TCF12: variants seen among roughly 807,000 people sequenced by gnomAD.
TCF12 encodes the protein DNA-binding protein HTF4.
A neutral mutation model predicts 86.0 loss-of-function variants in TCF12; 45 were observed. That is an observed-to-expected ratio of 0.52 (90% confidence interval 0.41 to 0.67). TCF12 has a LOEUF of 0.67. TCF12 is among the 30% of genes least tolerant of loss of function. The pLI, the probability that TCF12 is intolerant of heterozygous loss-of-function variation, is 0.00. For synonymous variants in TCF12, 330 were observed against 299.6 expected (o/e 1.10, Z -1.05); for missense variants, 881 against 859.9 (o/e 1.02, Z -0.31).
chr15:57,252,333 G>T, intron 14 of TCF12, 88 bp from the exon 15 acceptor site: 1 of 927,192 alleles, frequency 1.1e-6, no homozygotes. Flanking sequence ...AACATGTTAT[G>T]CTGACATGCA....
At chr15:57,030,229 G>GATTA (rs1402198570) in intron 3 of TCF12, among the ~76,000 whole-genome samples, 8 of 151,996 alleles carry the variant, frequency 5.3e-5, no homozygotes, top group African/African-American at 1.9e-4. Context: ...TTTATTGATT[G>GATTA]ATTAATTGAT....
chr15:56,984,001 C>CAAAAAAAAAAAAAAAAA lies in TCF12; in HGVS notation c.148+62918_148+62919insAAAAAAAAAAAAAAAAA, dbSNP rs71113046. Reference sequence around the variant, plus strand: ...TAGGCAACTGAGTGAGACCCTGTCTCAAAAAAAAAAAAAAAGAAGAAGAAG... The same window carrying CAAAAAAAAAAAAAAAAA: ...TAGGCAACTGAGTGAGACCCTGTCTCAAAAAAAAAAAAAAAAAAAAAAAAAAAAAAAAGAAGAAGAAG... On this transcript the variant is annotated intron_variant, in intron 3 of 20. Transcript: ENST00000333725. 6.4e-3 allele frequency among the ~76,000 whole-genome samples: 273 copies of CAAAAAAAAAAAAAAAAA among 42,904 alleles called. 27 individuals carry two copies. The highest frequency in any genetic ancestry group is 0.016 in the African/African-American group (168 of 10,306). The allele number at this position is 42,904 out of a possible 152,430, so 28.1% of individuals were successfully genotyped here. A position where few individuals can be genotyped will look rare whatever the true frequency, so the allele number is the denominator to read the frequency against.
chr15:57,099,716 C>G (rs1316084802), intron 5 of TCF12, among the ~76,000 whole-genome samples: 2 of 152,104 alleles, frequency 1.3e-5, no homozygotes, highest in Non-Finnish European at 2.9e-5. Context: ...ACACCTTTTT[C>G]AGGACCTCAT....
chr15:56,976,746 A>G (rs1167036752), intron 3 of TCF12, among the ~76,000 whole-genome samples: 9 of 152,140 alleles, frequency 5.9e-5, no homozygotes, highest in Admixed American at 5.9e-4. Flanking sequence ...TCAAACATCT[A>G]AATTCACCTA....
chr15:56,938,692 G>A (rs1156851363), intron 3 of TCF12, among the ~76,000 whole-genome samples: 1 of 140,640 alleles, frequency 7.1e-6, no homozygotes, highest in Non-Finnish European at 1.5e-5. Flanking sequence ...TTTCAGTGTC[G>A]CTGCTTGTTT....
intron 8 of TCF12, among the ~76,000 whole-genome samples, chr15:57,205,843 A>G (rs1402904941): frequency 6.6e-6 from 1 of 152,166 alleles, no homozygotes; most frequent in East Asian, 1.9e-4. Context: ...AATGTCTTTG[A>G]TGTAATTTCA....
chr15:57,167,376 C>T (rs1434546255), intron 6 of TCF12, among the ~76,000 whole-genome samples: 4 of 152,090 alleles, frequency 2.6e-5, no homozygotes, highest in Non-Finnish European at 5.9e-5. Context: ...ACCTGGGCAA[C>T]ATAGTGAGAC....
At chr15:57,135,874 T>C (rs1022636542) in intron 5 of TCF12, among the ~76,000 whole-genome samples, 3 of 152,080 alleles carry the variant, frequency 2.0e-5, no homozygotes, top group African/African-American at 7.2e-5. Context: ...TTAAATACAT[T>C]GTTGTTAAGA....
intron 3 of TCF12, among the ~76,000 whole-genome samples, chr15:56,973,010 C>T (rs190596958): frequency 6.6e-6 from 1 of 152,112 alleles, no homozygotes; most frequent in East Asian, 1.9e-4. Flanking sequence ...CTGTGGTATA[C>T]CAGGATTGAG....
At chr15:57,119,019 T>G (rs922237084) in intron 5 of TCF12, among the ~76,000 whole-genome samples, 1 of 152,218 alleles carries the variant, frequency 6.6e-6, no homozygotes, top group Admixed American at 6.5e-5. Flanking sequence ...TGTTTTATCA[T>G]GTACTGTGAT....
chr15:57,118,293 T>C (rs1397882580), intron 5 of TCF12: 1 of 152,234 alleles, frequency 6.6e-6, no homozygotes, highest in Non-Finnish European at 1.5e-5. Flanking sequence ...GAAAGAATTT[T>C]GTCTGAGCAA....
At chr15:57,072,732 A>G (rs1306898598) in intron 4 of TCF12, 4 of 1,290,996 alleles carry the variant, frequency 3.1e-6, no homozygotes, top group East Asian at 4.7e-5. Context: ...TTTTCTATAT[A>G]TTGCATCTGT....
intron 8 of TCF12, among the ~76,000 whole-genome samples, chr15:57,214,830 A>G (rs1220275208): frequency 1.3e-5 from 2 of 152,182 alleles, no homozygotes; most frequent in African/African-American, 4.8e-5. Flanking sequence ...AAAGATCACA[A>G]AAATCAAGTC....
intron 3 of TCF12, among the ~76,000 whole-genome samples, chr15:56,928,627 T>TAAAAAGAAA (rs2060117799): frequency 6.6e-6 from 1 of 152,208 alleles, no homozygotes; most frequent in African/African-American, 2.4e-5. Flanking sequence ...TTAACTTTTC[T>TAAAAAGAAA]TTTTTAGTTG....
At chr15:56,948,210 C>G (rs1379189111) in intron 3 of TCF12, among the ~76,000 whole-genome samples, 2 of 151,904 alleles carry the variant, frequency 1.3e-5, no homozygotes, top group Non-Finnish European at 2.9e-5. Flanking sequence ...CAGCCTTGAC[C>G]TCCTGGGCTG....
downstream of TCF12, among the ~76,000 whole-genome samples, chr15:57,290,312 C>G (rs1312442422): frequency 7.2e-6 from 1 of 139,264 alleles, no homozygotes; most frequent in Non-Finnish European, 1.5e-5. Context: ...CATTGCATTC[C>G]AGCCAGGGGA....
At chr15:57,225,351 TG>T (rs1444622865) in intron 8 of TCF12, among the ~76,000 whole-genome samples, 109 of 149,422 alleles carry the variant, frequency 7.3e-4, no homozygotes, top group African/African-American at 2.7e-3. Context: ...ATCATTCTCC[TG>T]CCTCAGCCTC....
intron 3 of TCF12, among the ~76,000 whole-genome samples, chr15:57,031,456 G>A (rs2066179657): frequency 6.6e-6 from 1 of 152,148 alleles, no homozygotes; most frequent in Non-Finnish European, 1.5e-5. Context: ...GTATCATTAA[G>A]CTAATAATCA....
intron 3 of TCF12, among the ~76,000 whole-genome samples, chr15:56,984,179 G>A (rs569096983): frequency 3.3e-4 from 50 of 151,104 alleles, no homozygotes; most frequent in African/African-American, 1.1e-3. Flanking sequence ...GTATAAACAC[G>A]TGAACACATT....
Sources: gnomAD v4.1 joint callset for allele counts (sites outside exome capture counted in the v4.1 genomes callset) on GRCh38, gnomAD v4.1.1 for gene constraint, MANE v1.5 for transcripts, NCBI Gene and HGNC (gene_info 2026-07-23, HGNC 2026-07-21) for gene names.